The following C5 variants were observed in gnomAD, a reference collection of about 807,000 sequenced individuals.
C5 encodes complement C5, also known as C3 and PZP-like alpha-2-macroglobulin domain-containing protein 4.
In C5, 140 loss-of-function variants were observed where a neutral mutation model predicts 218.8. The observed-to-expected ratio is 0.64, with a 90% confidence interval of 0.56 to 0.74. The LOEUF is 0.74. Ranked by LOEUF, C5 falls within the 30% of genes least tolerant of loss-of-function variation. The pLI is 0.00. For synonymous variants in C5, 614 were observed against 682.3 expected (o/e 0.90, Z 1.56); for missense variants, 1,700 against 1,969.6 (o/e 0.86, Z 2.59).
chr9:121,047,652 G>A (rs560480179), intron 1 of C5, among the ~76,000 whole-genome samples: 9 of 152,164 alleles, frequency 5.9e-5, no homozygotes, highest in Admixed American at 1.3e-4. Context: ...GTAAAAGCAG[G>A]AAGTTTTTAG....
intron 34 of C5, 24 bp downstream of exon 34, chr9:120,963,612 C>A (rs1287177788): frequency 6.6e-7 from 1 of 1,507,436 alleles, no homozygotes; most frequent in East Asian, 2.3e-5. Context: ...GCATTCACAA[C>A]ACGATTTAAA....
upstream of C5, among the ~76,000 whole-genome samples, chr9:121,052,781 C>T (rs2047679116): frequency 6.6e-6 from 1 of 152,140 alleles, no homozygotes; most frequent in African/African-American, 2.4e-5. Context: ...GTGCTCCTAG[C>T]AGGATAATAA....
chr9:120,989,160 C>A, intron 24 of C5, 39 bp from the exon 25 acceptor site: 1 of 1,489,138 alleles, frequency 6.7e-7, no homozygotes, highest in Non-Finnish European at 9.4e-7. Context: ...GCTTAACAGA[C>A]CTCCGTTTCT....
At chr9:121,007,527 A>AC (rs1003001748) in intron 18 of C5, among the ~76,000 whole-genome samples, 1 of 152,246 alleles carries the variant, frequency 6.6e-6, no homozygotes, top group African/African-American at 2.4e-5. Flanking sequence ...TAATAATTGT[A>AC]CCAATAAGGC....
At chr9:120,968,977 A>G in intron 33 of C5, 84 bp downstream of exon 33, 1 of 1,195,740 alleles carries the variant, frequency 8.4e-7, no homozygotes, top group South Asian at 1.2e-5. Flanking sequence ...GGACATACCA[A>G]AATTTGAAAA....
At chr9:121,005,840 G>A (rs2047211320) in intron 20 of C5, 79 bp downstream of exon 20, 1 of 1,422,704 alleles carries the variant, frequency 7.0e-7, no homozygotes, top group Non-Finnish European at 9.9e-7. Flanking sequence ...ACTTTTTTGT[G>A]TATGGTAATT....
At chr9:121,005,865 C>T in intron 20 of C5, 54 bp downstream of exon 20, 1 of 1,583,098 alleles carries the variant, frequency 6.3e-7, no homozygotes, top group South Asian at 1.1e-5. Context: ...TAATAGAATT[C>T]TCAGAAAACC....
chr9:120,982,829 CAAAT>C lies in C5; in HGVS notation c.3231-19_3231-16del. The C allele has an allele frequency of 6.9e-7, 1 of 1,444,440 alleles. No individual in the cohort carries two copies. The highest frequency in any genetic ancestry group is 2.3e-5 in the East Asian group (1 of 43,838). 89.5% of individuals were successfully genotyped at this position (1,444,440 alleles called of 1,614,324 possible). ...AAGCTGTTAACCTTTAAGACAAAAT[CAAAT>C]AAATAAATATTTAGAACGCTGAATC... On this transcript the variant is annotated splice_polypyrimidine_tract_variant and intron_variant, in intron 25 of 40. Transcript: ENST00000223642.
chr9:120,973,689 T>C (rs1048364601), intron 30 of C5, among the ~76,000 whole-genome samples: 1 of 152,212 alleles, frequency 6.6e-6, no homozygotes, highest in African/African-American at 2.4e-5. Flanking sequence ...CATTAAATTT[T>C]ATTTCTCTGC....
At chr9:121,015,344 T>C in intron 15 of C5, 83 bp from the exon 16 acceptor site, 1 of 865,248 alleles carries the variant, frequency 1.2e-6, no homozygotes, top group South Asian at 1.4e-5. Context: ...ACTATTTAAG[T>C]ATTTAGAGCC....
chr9:120,977,170 C>T (rs564529613), intron 28 of C5, among the ~76,000 whole-genome samples: 2 of 152,234 alleles, frequency 1.3e-5, no homozygotes, highest in East Asian at 3.9e-4. Context: ...CATGATGCCA[C>T]AGGTGGGTAA....
intron 37 of C5, among the ~76,000 whole-genome samples, chr9:120,961,104 C>T (rs552945218): frequency 1.3e-5 from 2 of 152,222 alleles, no homozygotes; most frequent in South Asian, 4.1e-4. Flanking sequence ...TGGAACTGGA[C>T]AATAAACCGA....
chr9:120,962,687 G>A lies in C5; in HGVS notation c.4488C>T (p.Tyr1496=), dbSNP rs370935824. ...GTTGATTACCTGGTCTGTGGTATTC[G>A]TACACTGTGAAAGTGGCAGGACTGA... ...GFLSPATFTV[Y]EYHRPDKQCT... The change falls in exon 36 of 41, where the codon TAC becomes TAT. Residue 1496 remains tyrosine (Y), a synonymous_variant. Coordinates refer to ENST00000223642, the MANE Select transcript of C5 (RefSeq NM_001735.3). 7.4e-5 allele frequency: 119 copies of A among 1,610,064 alleles called. 1 individual carries two copies. The highest frequency in any genetic ancestry group is 6.0e-4 in the South Asian group (55 of 91,006).
At chr9:120,999,950 T>C (rs770106719) in intron 20 of C5, 5 of 445,840 alleles carry the variant, frequency 1.1e-5, no homozygotes, top group Middle Eastern at 6.9e-4. Context: ...TCCCAGCTAC[T>C]TGGGAGGCTG....
chr9:121,074,104 T>C, the C5 span, among the ~76,000 whole-genome samples: 1 of 152,126 alleles, frequency 6.6e-6, no homozygotes, highest in African/African-American at 2.4e-5. Flanking sequence ...TAGTCAAGGA[T>C]GGGGAGCGAT....
In C5 at chr9:121,037,908, G is replaced by A. The variant is rs749143057; in HGVS notation, c.465C>T (p.Ala155=). ...TGAAAGTTAAGACAGTTTCTCTTTT[G>A]GCTGGCTTCAAGTCGTCATTCAACG... ...VYSLNDDLKP[A]KRETVLTFID... Residue 155 remains alanine (A), a synonymous_variant, in exon 4 of 41, where the codon GCC becomes GCT. Transcript: ENST00000223642. 3 of 1,526,824 alleles carry A rather than the reference G, an allele frequency of 2.0e-6. No individual in the cohort carries two copies. Among genetic ancestry groups the A allele is most frequent in the Non-Finnish European group, 2.7e-6 (3 of 1,114,026 alleles). The allele number at this position is 1,526,824 out of a possible 1,614,324, so 94.6% of individuals were successfully genotyped here.
chr9:120,970,837 A>C (rs2046906448), intron 31 of C5, among the ~76,000 whole-genome samples: 1 of 152,204 alleles, frequency 6.6e-6, no homozygotes, highest in South Asian at 2.1e-4. Flanking sequence ...CAGAACATGC[A>C]ATTTAAGAAT....
At chr9:121,051,885 C>G (rs777565369), upstream of C5, among the ~76,000 whole-genome samples, 1 of 152,216 alleles carries the variant, frequency 6.6e-6, no homozygotes, top group East Asian at 1.9e-4. Flanking sequence ...AGTACTTTTG[C>G]CATCATTTTT....
At chr9:121,037,406 C>T (rs12057097) in intron 4 of C5, among the ~76,000 whole-genome samples, 30,368 of 150,254 alleles carry the variant, frequency 0.2, 3,345 homozygotes, top group African/African-American at 0.29. Flanking sequence ...CTCTGCCTCC[C>T]GGGTTCAAGC....
Sources: allele counts gnomAD v4.1 joint callset (sites outside exome capture counted in the v4.1 genomes callset), GRCh38; gene constraint gnomAD v4.1.1; transcripts MANE v1.5; gene names NCBI Gene and HGNC (gene_info 2026-07-23, HGNC 2026-07-21).